Variants in PTPDC1 observed in about 807,000 individuals in gnomAD.
PTPDC1 encodes the protein protein tyrosine phosphatase domain containing 1, also known as protein tyrosine phosphatase domain-containing protein 1.
Under a neutral mutation model 75.3 loss-of-function variants are expected in PTPDC1, and 53 were observed. The ratio of observed to expected loss-of-function variants is 0.70; its 90% CI spans 0.56 to 0.88. The LOEUF (loss-of-function observed/expected upper bound fraction) is 0.88. PTPDC1 is among the 40% of genes least tolerant of loss of function. The pLI is 0.00. For synonymous variants in PTPDC1, 349 were observed against 366.2 expected (o/e 0.95, Z 0.54); for missense variants, 925 against 998.6 (o/e 0.93, Z 0.99).
intron 6 of PTPDC1, among the ~76,000 whole-genome samples, chr9:94,099,647 G>A (rs1827765038): frequency 6.6e-6 from 1 of 152,192 alleles, no homozygotes; most frequent in Admixed American, 6.5e-5. Context: ...AAAATGAATT[G>A]TTTTCTTTAT....
chr9:94,057,980 T>C (rs1045747856), intron 1 of PTPDC1, among the ~76,000 whole-genome samples: 1 of 152,152 alleles, frequency 6.6e-6, no homozygotes, highest in Non-Finnish European at 1.5e-5. Flanking sequence ...AAATATCTTT[T>C]GGATTTTGGA....
chr9:94,077,421 G>C (rs1826732147), intron 2 of PTPDC1, among the ~76,000 whole-genome samples: 1 of 152,192 alleles, frequency 6.6e-6, no homozygotes, highest in Admixed American at 6.5e-5. Flanking sequence ...GCCCCAGCTT[G>C]TTTAACCTGT....
chr9:94,075,779 T>G (rs1826664996), intron 2 of PTPDC1, among the ~76,000 whole-genome samples: 1 of 152,176 alleles, frequency 6.6e-6, no homozygotes, highest in South Asian at 2.1e-4. Flanking sequence ...GCTTTTTGCT[T>G]TATTAAGGAA....
At position 94,084,588 on chromosome 9, in the gene PTPDC1, C is replaced by T. The variant is rs751438562; in HGVS notation, c.58C>T (p.Leu20Phe). The T allele has an allele frequency of 6.2e-7, 1 of 1,613,804 alleles. No homozygotes were observed. The highest frequency in any genetic ancestry group is 8.5e-7 in the Non-Finnish European group (1 of 1,180,014). ...AGCCGTGCGCTTCCTCAGCTCCTTT[C>T]TCCAGGGCCGCCGGCACTCCACCTC... ...PSAVRFLSSF[L>F]QGRRHSTSDP... is the part of the protein sequence containing the mutation. Residue 20 changes from leucine (L) to phenylalanine (F), a missense_variant, in exon 1 of 9, where the codon CTC (leucine) becomes TTC (phenylalanine). Coordinates refer to ENST00000620992, the MANE Select transcript of PTPDC1 (RefSeq NM_001253829.2).
Position 94,091,160 on chromosome 9 carries a change from A to C in PTPDC1, c.616+2897A>C, listed in dbSNP as rs570042841. On this transcript the variant is annotated intron_variant, in intron 4 of 8. Transcript: ENST00000620992. ...AGAGAGGGCATCCCTGTCTTGTGCC[A>C]GTTTTCAAAGGGAATGCTTCCAGTT... is the stretch of plus-strand genomic sequence containing the variant. 5.7e-3 allele frequency among the ~76,000 whole-genome samples: 865 copies of C among 150,984 alleles called. 4 individuals carry two copies. Among genetic ancestry groups the C allele is most frequent in the Non-Finnish European group, 7.0e-3 (473 of 67,352 alleles).
At chr9:94,088,380 A>G in intron 4 of PTPDC1, 117 bp downstream of exon 4, 1 of 1,232,832 alleles carries the variant, frequency 8.1e-7, no homozygotes, top group Non-Finnish European at 1.1e-6. Flanking sequence ...CATCATAGTA[A>G]GGTTTAGAAA....
chr9:94,096,239 C>T (rs1460701146), intron 5 of PTPDC1, among the ~76,000 whole-genome samples: 1 of 152,196 alleles, frequency 6.6e-6, no homozygotes, highest in East Asian at 1.9e-4. Context: ...GGATCTGCCA[C>T]ATACCTGGAA....
At chr9:94,058,644 TG>T (rs1261894057) in intron 1 of PTPDC1, among the ~76,000 whole-genome samples, 1 of 151,800 alleles carries the variant, frequency 6.6e-6, no homozygotes, top group African/African-American at 2.4e-5. Context: ...AGGGGGAAGT[TG>T]CAGTGAGCCG....
chr9:94,031,191 A>G (rs1829719214), intron 1 of PTPDC1: 1 of 152,064 alleles, frequency 6.6e-6, no homozygotes, highest in Non-Finnish European at 1.5e-5. Flanking sequence ...TGTTTTTTTA[A>G]ACGTCTAGAT....
At chr9:94,100,616 GC>G (rs1827803794) in intron 6 of PTPDC1, 1 of 152,130 alleles carries the variant, frequency 6.6e-6, no homozygotes, top group Admixed American at 6.6e-5. Flanking sequence ...TCTTTCTTGA[GC>G]CCCATTATAT....
upstream of PTPDC1, among the ~76,000 whole-genome samples, chr9:94,079,748 A>G (rs115912209): frequency 1.4e-3 from 206 of 152,360 alleles, no homozygotes; most frequent in African/African-American, 4.6e-3. Flanking sequence ...CTTCTGGCTG[A>G]AGTCTACTAG....
intron 1 of PTPDC1, among the ~76,000 whole-genome samples, chr9:94,043,059 A>G (rs1054208491): frequency 6.6e-6 from 1 of 152,214 alleles, no homozygotes; most frequent in Non-Finnish European, 1.5e-5. Flanking sequence ...CACTACATGT[A>G]CAGATACTTC....
chr9:94,083,322 G>A (rs536091059), upstream of PTPDC1, among the ~76,000 whole-genome samples: 2 of 152,246 alleles, frequency 1.3e-5, no homozygotes, highest in African/African-American at 4.8e-5. Flanking sequence ...ACAAAGGCAT[G>A]ATACTATACA....
intron 1 of PTPDC1, among the ~76,000 whole-genome samples, chr9:94,056,722 C>G (rs1825949892): frequency 6.6e-6 from 1 of 152,202 alleles, no homozygotes; most frequent in Non-Finnish European, 1.5e-5. Context: ...AGAACCTAGT[C>G]TCTTGTGTGA....
upstream of PTPDC1, chr9:94,084,296 T>G (rs1455564092): frequency 4.8e-6 from 2 of 417,726 alleles, no homozygotes; most frequent in Non-Finnish European, 8.2e-6. Flanking sequence ...TATATTATTC[T>G]TCCCTATATT....
intron 7 of PTPDC1, 132 bp downstream of exon 7, chr9:94,101,883 C>T (rs1827855305): frequency 1.8e-6 from 1 of 557,088 alleles, no homozygotes. Context: ...AATAGTTTTT[C>T]CAAGAGAAGA....
chr9:94,045,530 G>A (rs1169477829), intron 1 of PTPDC1, among the ~76,000 whole-genome samples: 6 of 152,000 alleles, frequency 3.9e-5, no homozygotes, highest in South Asian at 2.1e-4. Flanking sequence ...TTTAATGATC[G>A]CCATTCTAAC....
intron 6 of PTPDC1, chr9:94,101,156 T>C (rs1827824155): frequency 6.5e-6 from 1 of 154,522 alleles, no homozygotes. Context: ...TCATCTACCA[T>C]CTACTTTATT....
At chr9:94,061,578 A>G (rs1826139890) in intron 1 of PTPDC1, among the ~76,000 whole-genome samples, 1 of 152,216 alleles carries the variant, frequency 6.6e-6, no homozygotes, top group Admixed American at 6.5e-5. Flanking sequence ...ATCCTCTGAA[A>G]TCTAGGTGGA....
Sources: allele counts gnomAD v4.1 joint callset (sites outside exome capture counted in the v4.1 genomes callset), GRCh38; gene constraint gnomAD v4.1.1; transcripts MANE v1.5; gene names NCBI Gene and HGNC (gene_info 2026-07-23, HGNC 2026-07-21).